HEPH: variants seen among roughly 807,000 people sequenced by gnomAD.
HEPH encodes the protein hephaestin.
A neutral mutation model predicts 80.8 loss-of-function variants in HEPH; 69 were observed. That is an observed-to-expected ratio of 0.85 (90% CI 0.70 to 1.04). HEPH has a LOEUF of 1.04. Among genes scored for constraint, HEPH ranks in the 50% least tolerant of loss-of-function variants. The pLI, the probability that HEPH is intolerant of heterozygous loss-of-function variation, is 0.00. For missense variants in HEPH, 1,115 were observed against 891.3 expected (o/e 1.25, Z -3.20); for synonymous variants, 431 against 322.8 (o/e 1.34, Z -3.60).
chrX:66,205,911 G>A lies in HEPH; in HGVS notation c.2292-1284G>A, dbSNP rs139412945. Among the ~76,000 whole-genome samples the A allele has an allele frequency of 2.3e-3, 257 of 111,387 alleles. 2 individuals carry two copies. Among genetic ancestry groups the A allele is most frequent in the African/African-American group, 8.1e-3 (248 of 30,636 alleles). On this transcript the variant is annotated intron_variant, in intron 13 of 20. Transcript: ENST00000343002. ...AGATGAAAGAACAGGACTAGAAAAC[G>A]AGGGAGGGAAGGAGCAGCAGACTTG...
chrX:66,239,061 G>A (rs892727497), intron 15 of HEPH, among the ~76,000 whole-genome samples: 9 of 112,376 alleles, frequency 8.0e-5, no homozygotes, highest in African/African-American at 2.9e-4. Context: ...TCCAATGTGG[G>A]TGTTATGGCC....
chrX:66,258,520 G>A (rs978859487), intron 17 of HEPH, among the ~76,000 whole-genome samples: 3 of 111,791 alleles, frequency 2.7e-5, no homozygotes, highest in Admixed American at 9.5e-5. Context: ...AAGGTGGTTT[G>A]GAGTTATATT....
In HEPH at chrX:66,197,036, C is replaced by A. The variant is rs760770922; in HGVS notation, c.1502-647C>A. ...CATGCATTATTACAATTTGTAAAAT[C>A]TTTGCTAAATTAATTTGTAAAAAAG... On this transcript the variant is annotated intron_variant, in intron 9 of 20. Transcript: ENST00000343002. Among the ~76,000 whole-genome samples, 8 of 109,768 alleles carry A rather than the reference C, an allele frequency of 7.3e-5. No homozygotes were observed. In the South Asian group the frequency reaches 2.3e-3, roughly 32 times the overall value.
intron 17 of HEPH, 59 bp downstream of exon 17, chrX:66,256,389 A>T (rs1602551694): frequency 3.6e-6 from 3 of 843,681 alleles, no homozygotes; most frequent in Middle Eastern, 2.9e-4. Flanking sequence ...ACATGGGGAT[A>T]TTTAATAGGC....
At chrX:66,226,258 A>G (rs1328732364) in intron 15 of HEPH, among the ~76,000 whole-genome samples, 1 of 112,160 alleles carries the variant, frequency 8.9e-6, no homozygotes, top group African/African-American at 3.2e-5. Flanking sequence ...CTTTGGAGGC[A>G]GAAATTGGGC....
At chrX:66,242,937 T>C (rs2148099607) in intron 15 of HEPH, among the ~76,000 whole-genome samples, 1 of 112,011 alleles carries the variant, frequency 8.9e-6, no homozygotes, top group South Asian at 3.7e-4. Context: ...GTTTAGTCAC[T>C]GTGGAAAGCA....
At chrX:66,263,716 A>G in intron 20 of HEPH, 28 bp downstream of exon 20, 1 of 1,185,422 alleles carries the variant, frequency 8.4e-7, no homozygotes, top group Non-Finnish European at 1.1e-6. Context: ...CAGACTGGGT[A>G]CTTATACATA....
At chrX:66,209,329 C>G (rs2088983326) in intron 15 of HEPH, among the ~76,000 whole-genome samples, 1 of 112,308 alleles carries the variant, frequency 8.9e-6, no homozygotes, top group African/African-American at 3.2e-5. Flanking sequence ...TCAGGATCAC[C>G]TAGAGGCTTG....
chrX:66,242,271 G>T (rs2090625580), intron 15 of HEPH, among the ~76,000 whole-genome samples: 1 of 111,317 alleles, frequency 9.0e-6, no homozygotes, highest in Non-Finnish European at 1.9e-5. Flanking sequence ...AATGGGAAAA[G>T]AAGTTCCTAA....
At chrX:66,210,843 G>C (rs2089073453) in intron 15 of HEPH, among the ~76,000 whole-genome samples, 1 of 111,546 alleles carries the variant, frequency 9.0e-6, no homozygotes, top group Admixed American at 9.5e-5. Context: ...TTAAGCACCT[G>C]GATGTTGGTA....
intron 15 of HEPH, among the ~76,000 whole-genome samples, chrX:66,219,285 A>G (rs1031007792): frequency 4.5e-5 from 5 of 112,102 alleles, no homozygotes; most frequent in Non-Finnish European, 7.5e-5. Flanking sequence ...ACATGGCCCC[A>G]GGATCGAATC....
At chrX:66,181,933 A>C (rs1429259226) in intron 4 of HEPH, among the ~76,000 whole-genome samples, 38 of 110,200 alleles carry the variant, frequency 3.4e-4, no homozygotes, top group African/African-American at 9.9e-4. Flanking sequence ...GCCAGTTTTC[A>C]CAGCACCATT....
At chrX:66,191,685 C>T (rs5964499) in intron 6 of HEPH, among the ~76,000 whole-genome samples, 31,707 of 110,846 alleles carry the variant, frequency 0.29, 4,028 homozygotes, top group African/African-American at 0.5. Flanking sequence ...AATAATTAAC[C>T]CCTATTTTAA....
At chrX:66,244,859 G>A (rs1393047332) in intron 15 of HEPH, among the ~76,000 whole-genome samples, 1 of 107,489 alleles carries the variant, frequency 9.3e-6, no homozygotes, top group Non-Finnish European at 1.9e-5. Context: ...TTCCCTTGGG[G>A]ATTTGATTGT....
chrX:66,206,878 G>A (rs1023062293), intron 13 of HEPH, among the ~76,000 whole-genome samples: 33 of 109,779 alleles, frequency 3.0e-4, no homozygotes, highest in Non-Finnish European at 1.7e-4. Flanking sequence ...GTAGCCGGGC[G>A]TGGTGGCGCA....
chrX:66,201,949 A>G (rs1272110797), intron 12 of HEPH, among the ~76,000 whole-genome samples: 1 of 112,467 alleles, frequency 8.9e-6, no homozygotes, highest in Non-Finnish European at 1.9e-5. Context: ...GAAAGAAATG[A>G]GTAGACCCTT....
intron 15 of HEPH, among the ~76,000 whole-genome samples, chrX:66,223,838 T>G (rs1043602294): frequency 8.1e-5 from 9 of 111,115 alleles, no homozygotes; most frequent in Admixed American, 5.7e-4. Flanking sequence ...GCACATAAAC[T>G]TTTTTTTTCC....
intron 10 of HEPH, 124 bp downstream of exon 10, chrX:66,198,018 G>T (rs750059503): frequency 3.6e-6 from 2 of 558,036 alleles, no homozygotes; most frequent in East Asian, 3.6e-5. Flanking sequence ...TAATCAAGCT[G>T]GTCCATCAGA....
Position 66,170,592 on chromosome X carries a change from T to C in HEPH, c.22T>C (p.Trp8Arg), listed in dbSNP as rs764956281. Reference protein sequence around the residue: MESGHLLWALLFMQSLWP... With the variant: MESGHLLRALLFMQSLWP... Reference sequence around the variant, plus strand: ...GGCCATGGAGTCAGGCCACCTCCTCTGGGCTCTGCTGTTCATGCAGTCCTT... The same window carrying C: ...GGCCATGGAGTCAGGCCACCTCCTCCGGGCTCTGCTGTTCATGCAGTCCTT... The change falls in exon 2 of 21, where the codon TGG becomes CGG. Residue 8 changes from tryptophan (W) to arginine (R), a missense_variant. Around this residue, in one of 3 missense-constraint regions of HEPH, gnomAD observed 391 missense variants for 343.6 expected, o/e 1.14. Transcript: ENST00000343002. 5.0e-6 allele frequency: 6 copies of C among 1,210,791 alleles called. No individual in the cohort carries two copies. Among genetic ancestry groups the C allele is most frequent in the Admixed American group, 4.4e-5 (2 of 45,920 alleles).
Sources: allele counts gnomAD v4.1 joint callset (sites outside exome capture counted in the v4.1 genomes callset), GRCh38; gene constraint gnomAD v4.1.1; regional missense constraint gnomAD v4.1.1; transcripts MANE v1.5; gene names NCBI Gene and HGNC (gene_info 2026-07-23, HGNC 2026-07-21).